The following HDAC9 variants were observed in gnomAD, a reference collection of about 807,000 sequenced individuals.
The protein encoded by HDAC9 is MEF-2 interacting transcription repressor (MITR) protein.
HDAC9 carries 41 observed loss-of-function variants against 139.4 expected under a neutral mutation model. The observed-to-expected ratio is 0.29, with a 90% confidence interval of 0.23 to 0.38. HDAC9 has a LOEUF of 0.38. Among genes scored for constraint, HDAC9 ranks in the 10% least tolerant of loss-of-function variants. The pLI, the probability that HDAC9 is intolerant of heterozygous loss-of-function variation, is 1.00. For missense variants in HDAC9, 1,147 were observed against 1,297.0 expected, an observed-to-expected ratio of 0.88 and a Z score of 1.78; for synonymous variants, 517 against 476.2, an observed-to-expected ratio of 1.09 and a Z score of -1.12.
intron 1 of HDAC9, among the ~76,000 whole-genome samples, chr7:18,126,873 C>T (rs969090782): frequency 9.9e-5 from 15 of 152,076 alleles, no homozygotes; most frequent in African/African-American, 2.4e-4. Flanking sequence ...ATATATTGTC[C>T]GCATTCAAGG....
intron 6 of HDAC9, among the ~76,000 whole-genome samples, chr7:18,627,072 C>T (rs1051653604): frequency 2.6e-5 from 4 of 152,266 alleles, no homozygotes; most frequent in African/African-American, 9.6e-5. Flanking sequence ...CAGTTATTCT[C>T]AGGTATCTAA....
chr7:18,475,948 A>G (rs1287894148), intron 1 of HDAC9, among the ~76,000 whole-genome samples: 1 of 152,196 alleles, frequency 6.6e-6, no homozygotes, highest in Non-Finnish European at 1.5e-5. Flanking sequence ...GTACAACCAT[A>G]TGTGACTTTT....
intron 1 of HDAC9, among the ~76,000 whole-genome samples, chr7:18,460,476 T>A (rs181573815): frequency 1.3e-5 from 2 of 152,222 alleles, no homozygotes; most frequent in African/African-American, 4.8e-5. Context: ...GAATTCATTC[T>A]ATTGTATTAA....
intron 2 of HDAC9, among the ~76,000 whole-genome samples, chr7:18,573,490 A>G (rs1243742314): frequency 6.6e-6 from 1 of 152,158 alleles, no homozygotes; most frequent in Non-Finnish European, 1.5e-5. Context: ...CTGCCTGAGT[A>G]TTGCTAGTGC....
chr7:18,619,931 G>A (rs706085), intron 6 of HDAC9, among the ~76,000 whole-genome samples: 1 of 151,976 alleles, frequency 6.6e-6, no homozygotes, highest in Non-Finnish European at 1.5e-5. Context: ...GCAAATGAAT[G>A]TCTGCCTTTC....
intron 21 of HDAC9, among the ~76,000 whole-genome samples, chr7:18,844,035 C>T (rs1168694138): frequency 1.3e-5 from 2 of 152,130 alleles, no homozygotes; most frequent in African/African-American, 4.8e-5. Flanking sequence ...GGATGATAGA[C>T]TCAATTTTCC....
rs1259013525 is a variant in HDAC9, at chr7:18,906,917, T to A, written c.2804-28892T>A. The A allele has an allele frequency of 2.0e-5, 3 of 152,358 alleles. No homozygotes were observed. The East Asian group carries it at 5.8e-4, about 29-fold the overall frequency. 9.4% of individuals were successfully genotyped at this position (152,358 alleles called of 1,614,324 possible). On this transcript the variant is annotated intron_variant, in intron 22 of 25. Transcript: ENST00000686413. Reference sequence around the variant, plus strand: ...GTTTTTAAGCCCTGGAAAGCCCTGATTTAAACCTGTGATTCTCCAGAAACT... The same window carrying A: ...GTTTTTAAGCCCTGGAAAGCCCTGAATTAAACCTGTGATTCTCCAGAAACT...
intron 24 of HDAC9, 122 bp downstream of exon 24, chr7:18,954,352 G>A (rs1200993710): frequency 2.6e-6 from 2 of 782,558 alleles, no homozygotes; most frequent in Non-Finnish European, 4.1e-6. Flanking sequence ...GCGTTCTTAA[G>A]TATATATCTT....
intron 1 of HDAC9, among the ~76,000 whole-genome samples, chr7:18,343,153 T>G (rs1429707288): frequency 6.6e-6 from 1 of 151,812 alleles, no homozygotes; most frequent in East Asian, 1.9e-4. Context: ...TCAGTAAAAG[T>G]TGGGCTGTTA....
At chr7:18,916,022 G>GGGAAAAAAAAAAAA (rs1491394538) in intron 22 of HDAC9, among the ~76,000 whole-genome samples, 1 of 138,122 alleles carries the variant, frequency 7.2e-6, no homozygotes, top group Admixed American at 7.3e-5. Context: ...CCCCCCGCTG[G>GGGAAAAAAAAAAAA]AAAAAAAAAA....
chr7:18,478,655 T>A (rs902284754), intron 1 of HDAC9, among the ~76,000 whole-genome samples: 35 of 152,206 alleles, frequency 2.3e-4, no homozygotes, highest in African/African-American at 7.5e-4. Context: ...TTTAGTTCCC[T>A]TACAAAATAC....
At chr7:18,813,771 C>T (rs1423686595) in intron 17 of HDAC9, among the ~76,000 whole-genome samples, 1 of 152,170 alleles carries the variant, frequency 6.6e-6, no homozygotes, top group Non-Finnish European at 1.5e-5. Context: ...TGACTTACAA[C>T]TCTGAAAAGT....
chr7:18,703,928 C>G (rs1027656895), intron 12 of HDAC9, among the ~76,000 whole-genome samples: 1 of 152,172 alleles, frequency 6.6e-6, no homozygotes, highest in African/African-American at 2.4e-5. Context: ...CTTTTGCATA[C>G]TCCCACAAGC....
rs1002829530 is a variant in HDAC9, at chr7:18,906,425, G to A, written c.2804-29384G>A. ...CTCCCAAAGTGCTGGGATTACAGAC[G>A]TGAGCCATGTTGCCAAATGTCTTTT... is the stretch of plus-strand genomic sequence containing the variant. On this transcript the variant is annotated intron_variant, in intron 22 of 25. Coordinates refer to ENST00000686413, the MANE Select transcript of HDAC9 (RefSeq NM_178425.4). Among the ~76,000 whole-genome samples the A allele has an allele frequency of 5.9e-5, 9 of 152,180 alleles. No homozygotes were observed. The East Asian group carries it at 9.6e-4, about 16-fold the overall frequency.
At position 18,835,987 on chromosome 7, in the gene HDAC9, G is replaced by C; in HGVS notation, c.2674G>C (p.Glu892Gln). 2 of 1,551,568 alleles carry C rather than the reference G, an allele frequency of 1.3e-6. No individual in the cohort carries two copies. The highest frequency in any genetic ancestry group is 1.7e-6 in the Non-Finnish European group (2 of 1,143,278). ...DPPMGDVEYL[E>Q]AFRTIVKPVA... is the part of the protein sequence containing the mutation. ...TCCCATGGGAGATGTTGAGTACCTT[G>C]AAGCATTCAGGTTGGTACTTCTTTC... Residue 892 changes from glutamate (E) to glutamine (Q), a missense_variant, in exon 21 of 26, where the codon GAA becomes CAA. Glu to Gln is a conservative substitution (Grantham distance 29). Around this residue, in one of 7 missense-constraint regions of HDAC9, gnomAD observed 407 missense variants for 521.5 expected, o/e 0.78. Transcript: ENST00000686413.
chr7:18,941,776 G>A (rs893151254), intron 23 of HDAC9, among the ~76,000 whole-genome samples: 1 of 152,066 alleles, frequency 6.6e-6, no homozygotes, highest in Admixed American at 6.5e-5. Flanking sequence ...AAACTGTTTG[G>A]GGAAAATATT....
chr7:18,859,067 T>G, intron 21 of HDAC9, among the ~76,000 whole-genome samples: 1 of 152,128 alleles, frequency 6.6e-6, no homozygotes. Context: ...CCCAAGTCAG[T>G]CAGTTATTTG....
chr7:18,227,299 A>T (rs980720707), intron 2 of HDAC9, among the ~76,000 whole-genome samples: 10 of 152,128 alleles, frequency 6.6e-5, no homozygotes, highest in African/African-American at 7.2e-5. Context: ...TCAGTTAAAA[A>T]TTTTTTTGAA....
At chr7:18,225,506 GCAT>G (rs1403998979) in intron 2 of HDAC9, among the ~76,000 whole-genome samples, 1 of 152,050 alleles carries the variant, frequency 6.6e-6, no homozygotes, top group African/African-American at 2.4e-5. Context: ...TTATGCAGTA[GCAT>G]CATAATTCTC....
Sources: allele counts gnomAD v4.1 joint callset (sites outside exome capture counted in the v4.1 genomes callset), GRCh38; gene constraint gnomAD v4.1.1; regional missense constraint gnomAD v4.1.1; transcripts MANE v1.5; gene names NCBI Gene and HGNC (gene_info 2026-07-23, HGNC 2026-07-21).